MAP4: variants seen among roughly 807,000 people sequenced by gnomAD.
MAP4 encodes microtubule-associated protein 4.
In MAP4, 76 loss-of-function variants were observed where a neutral mutation model predicts 170.2. That is an observed-to-expected ratio of 0.45 (90% confidence interval 0.37 to 0.54). MAP4 has a LOEUF of 0.54. Ranked by LOEUF, MAP4 falls within the 20% of genes least tolerant of loss-of-function variation. MAP4 has a pLI of 0.00. For missense variants in MAP4, 2,506 were observed against 2,748.0 expected, an observed-to-expected ratio of 0.91 and a Z score of 1.97; for synonymous variants, 909 against 994.5, an observed-to-expected ratio of 0.91 and a Z score of 1.62.
At chr3:47,901,673 A>T (rs111295542) in intron 10 of MAP4, among the ~76,000 whole-genome samples, 14 of 139,022 alleles carry the variant, frequency 1.0e-4, no homozygotes, top group East Asian at 2.2e-4. Flanking sequence ...GACCCTATTT[A>T]AAAAAAAAAA....
At chr3:48,074,497 T>C (rs2100142653) in intron 1 of MAP4, among the ~76,000 whole-genome samples, 1 of 147,614 alleles carries the variant, frequency 6.8e-6, no homozygotes, top group African/African-American at 2.5e-5. Flanking sequence ...ATTATATATA[T>C]ATATACACAC....
chr3:47,952,373 C>G (rs1369137339), intron 3 of MAP4, among the ~76,000 whole-genome samples: 1 of 152,192 alleles, frequency 6.6e-6, no homozygotes. Context: ...GGCCACCACC[C>G]AGTCTGGGAG....
chr3:47,985,015 C>T (rs1313752889), intron 2 of MAP4, among the ~76,000 whole-genome samples: 2 of 151,950 alleles, frequency 1.3e-5, no homozygotes, highest in Non-Finnish European at 2.9e-5. Flanking sequence ...GGGGGTGGCT[C>T]ATGCCTGTAA....
chr3:47,975,815 A>G (rs1490416033), intron 3 of MAP4, among the ~76,000 whole-genome samples: 5 of 146,934 alleles, frequency 3.4e-5, no homozygotes, highest in Non-Finnish European at 6.0e-5. Flanking sequence ...TTTGAGACGG[A>G]GTCTTGCTCT....
rs1419548622 is a variant in MAP4 at position 48,055,561 on chromosome 3, C to T, written c.-20+33212G>A. Among the ~76,000 whole-genome samples, 4 of 140,890 alleles carry T rather than the reference C, an allele frequency of 2.8e-5. 1 individual carries two copies. The highest frequency in any genetic ancestry group is 7.1e-5 in the Admixed American group (1 of 14,144). The allele number at this position is 140,890 out of a possible 152,430, so 92.4% of individuals were successfully genotyped here. On this transcript the variant is annotated intron_variant, in intron 1 of 18. Coordinates refer to the MAP4 transcript ENST00000360240. ...CGTGATCTCGGCTCACTACAACCTA[C>T]ACCTCCCAGCCGCCTGCCTTGGCCT...
chr3:47,917,298 T>C, intron 6 of MAP4, 124 bp from the exon 7 acceptor site: 1 of 780,226 alleles, frequency 1.3e-6, no homozygotes, highest in Non-Finnish European at 2.1e-6. Flanking sequence ...AACTAAGAAT[T>C]AATGTTAGGC....
chr3:47,956,115 C>T (rs1429986278), intron 3 of MAP4, among the ~76,000 whole-genome samples: 1 of 152,032 alleles, frequency 6.6e-6, no homozygotes, highest in Non-Finnish European at 1.5e-5. Context: ...AGATGTTATC[C>T]AACCTATGTA....
intron 1 of MAP4, among the ~76,000 whole-genome samples, chr3:48,049,939 GA>G (rs1293755181): frequency 6.7e-6 from 1 of 150,020 alleles, no homozygotes; most frequent in Middle Eastern, 3.6e-3. Context: ...CTTCGTCTGG[GA>G]AAAAAAATAA....
chr3:48,087,383 A>G (rs2100149625), intron 1 of MAP4, among the ~76,000 whole-genome samples: 1 of 152,124 alleles, frequency 6.6e-6, no homozygotes, highest in Non-Finnish European at 1.5e-5. Context: ...CTCAGCTTGG[A>G]TTCAGGATTG....
chr3:47,970,212 A>C (rs530401966), intron 3 of MAP4, among the ~76,000 whole-genome samples: 1 of 152,292 alleles, frequency 6.6e-6, no homozygotes, highest in East Asian at 1.9e-4. Context: ...AAAGCTGGGC[A>C]TGGTGGCTCA....
chr3:48,085,862 C>G (rs950202967), intron 1 of MAP4, among the ~76,000 whole-genome samples: 2 of 152,016 alleles, frequency 1.3e-5, no homozygotes, highest in African/African-American at 4.8e-5. Flanking sequence ...AGAGACCACC[C>G]TAACACAGTG....
intron 17 of MAP4, among the ~76,000 whole-genome samples, chr3:47,866,070 G>T (rs1177669810): frequency 6.6e-6 from 1 of 152,180 alleles, no homozygotes; most frequent in Non-Finnish European, 1.5e-5. Flanking sequence ...TGGGCGCAGT[G>T]GCTCACACCT....
At chr3:48,030,490 A>C (rs1017423301) in intron 1 of MAP4, among the ~76,000 whole-genome samples, 1 of 151,802 alleles carries the variant, frequency 6.6e-6, no homozygotes, top group Non-Finnish European at 1.5e-5. Context: ...AAAAATAAAA[A>C]AAAAAAAACA....
At chr3:47,967,543 T>C (rs1187540622) in intron 3 of MAP4, among the ~76,000 whole-genome samples, 1 of 152,086 alleles carries the variant, frequency 6.6e-6, no homozygotes, top group Non-Finnish European at 1.5e-5. Flanking sequence ...TCTCGGCTAC[T>C]CGGCAGGGTG....
chr3:47,935,939 C>CAA (rs74405606), intron 3 of MAP4, among the ~76,000 whole-genome samples: 248 of 59,282 alleles, frequency 4.2e-3, no homozygotes, highest in African/African-American at 0.015. Flanking sequence ...ACTTAGTCTC[C>CAA]AAAAAAAAAA....
At chr3:48,014,257 G>A (rs1314615309) in intron 1 of MAP4, among the ~76,000 whole-genome samples, 1 of 152,152 alleles carries the variant, frequency 6.6e-6, no homozygotes, top group African/African-American at 2.4e-5. Context: ...AACCTTTTAA[G>A]CTCCATGAAG....
chr3:47,950,226 A>T (rs984478821), intron 3 of MAP4, among the ~76,000 whole-genome samples: 3 of 152,188 alleles, frequency 2.0e-5, no homozygotes, highest in Non-Finnish European at 4.4e-5. Flanking sequence ...TGGTTAATCT[A>T]TTACTAGTTA....
intron 1 of MAP4, among the ~76,000 whole-genome samples, chr3:48,070,599 G>A (rs926133839): frequency 2.6e-5 from 4 of 151,840 alleles, no homozygotes; most frequent in African/African-American, 9.7e-5. Context: ...TGGGATTCCA[G>A]GTGTAAACCA....
intron 3 of MAP4, among the ~76,000 whole-genome samples, chr3:47,940,946 C>T (rs1320883264): frequency 1.1e-4 from 17 of 152,082 alleles, no homozygotes; most frequent in African/African-American, 3.9e-4. Context: ...GGTGCAATCT[C>T]GGCTCACTGT....
Sources: allele counts gnomAD v4.1 joint callset (sites outside exome capture counted in the v4.1 genomes callset), GRCh38; gene constraint gnomAD v4.1.1; transcripts MANE v1.5; gene names NCBI Gene and HGNC (gene_info 2026-07-23, HGNC 2026-07-21).